The following PTPRM variants were observed in gnomAD, a reference collection of about 807,000 sequenced individuals.
PTPRM encodes receptor-type tyrosine-protein phosphatase mu.
Under a neutral mutation model 186.7 loss-of-function variants are expected in PTPRM, and 47 were observed. The ratio of observed to expected loss-of-function variants is 0.25; its 90% CI spans 0.20 to 0.32. The LOEUF is 0.32. Ranked by LOEUF, PTPRM falls within the 10% of genes least tolerant of loss-of-function variation. The pLI is 1.00. For missense variants in PTPRM, 1,494 were observed against 1,865.0 expected (o/e 0.80, Z 3.66); for synonymous variants, 668 against 674.9 (o/e 0.99, Z 0.16).
At chr18:7,843,891 C>G (rs1417526692) in intron 2 of PTPRM, among the ~76,000 whole-genome samples, 1 of 152,130 alleles carries the variant, frequency 6.6e-6, no homozygotes, top group Admixed American at 6.5e-5. Context: ...TGTTCACTCA[C>G]AAGTCTAGAA....
chr18:7,965,281 G>A (rs1472735394), intron 7 of PTPRM, among the ~76,000 whole-genome samples: 3 of 152,052 alleles, frequency 2.0e-5, no homozygotes, highest in African/African-American at 4.8e-5. Context: ...CCTGACCTCA[G>A]GTGATCTACC....
At chr18:7,697,017 T>C (rs1051078593) in intron 1 of PTPRM, among the ~76,000 whole-genome samples, 2 of 152,200 alleles carry the variant, frequency 1.3e-5, no homozygotes, top group African/African-American at 4.8e-5. Flanking sequence ...CTGAATGATG[T>C]CAGGCATAAT....
chr18:8,126,688 G>T (rs2092373113), intron 13 of PTPRM, among the ~76,000 whole-genome samples: 1 of 152,140 alleles, frequency 6.6e-6, no homozygotes, highest in South Asian at 2.1e-4. Flanking sequence ...GGGACCCAAG[G>T]TTCTCTATTT....
intron 1 of PTPRM, among the ~76,000 whole-genome samples, chr18:7,678,062 G>T (rs2039389069): frequency 6.6e-6 from 1 of 152,072 alleles, no homozygotes; most frequent in African/African-American, 2.4e-5. Context: ...GGCTCTGTGT[G>T]TATTTGTGGA....
intron 1 of PTPRM, among the ~76,000 whole-genome samples, chr18:7,582,589 G>A (rs2036874259): frequency 6.6e-6 from 1 of 152,202 alleles, no homozygotes; most frequent in South Asian, 2.1e-4. Flanking sequence ...GTGGGAAATT[G>A]GGACTTACAG....
intron 14 of PTPRM, among the ~76,000 whole-genome samples, chr18:8,209,165 T>A (rs1443836378): frequency 6.6e-6 from 1 of 152,172 alleles, no homozygotes; most frequent in Non-Finnish European, 1.5e-5. Context: ...GAGTTTTCTG[T>A]GCTTGTCTCC....
chr18:7,578,635 A>C (rs964518006), intron 1 of PTPRM, among the ~76,000 whole-genome samples: 1 of 140,572 alleles, frequency 7.1e-6, no homozygotes, highest in African/African-American at 2.7e-5. Context: ...GCGCCTGGCC[A>C]ATTTTTTTTT....
intron 22 of PTPRM, among the ~76,000 whole-genome samples, chr18:8,333,280 G>C (rs904221263): frequency 6.6e-6 from 1 of 152,106 alleles, no homozygotes; most frequent in Non-Finnish European, 1.5e-5. Context: ...TAGCCTCAGG[G>C]GAGAACAAAT....
intron 6 of PTPRM, among the ~76,000 whole-genome samples, chr18:7,952,117 C>T (rs367573248): frequency 4.6e-5 from 7 of 152,248 alleles, no homozygotes; most frequent in Admixed American, 2.6e-4. Flanking sequence ...TATTTAGTTA[C>T]GTTTCTATAT....
At chr18:8,066,617 G>C (rs1211476120) in intron 7 of PTPRM, among the ~76,000 whole-genome samples, 1 of 152,134 alleles carries the variant, frequency 6.6e-6, no homozygotes, top group Non-Finnish European at 1.5e-5. Flanking sequence ...CATAGTCAAA[G>C]GCTCACAGAG....
At chr18:7,919,184 T>C (rs1022296117) in intron 4 of PTPRM, among the ~76,000 whole-genome samples, 1 of 152,204 alleles carries the variant, frequency 6.6e-6, no homozygotes, top group Non-Finnish European at 1.5e-5. Flanking sequence ...CATGCTGTTT[T>C]GGTTACTAAA....
chr18:8,402,401 C>T (rs1342928252), intron 32 of PTPRM, among the ~76,000 whole-genome samples: 1 of 152,178 alleles, frequency 6.6e-6, no homozygotes, highest in South Asian at 2.1e-4. Flanking sequence ...CAAGCAGCAG[C>T]TCCTTAGCAG....
intron 13 of PTPRM, among the ~76,000 whole-genome samples, chr18:8,121,327 C>T (rs978282692): frequency 6.6e-6 from 1 of 152,144 alleles, no homozygotes; most frequent in African/African-American, 2.4e-5. Flanking sequence ...CTAATAGTAC[C>T]CAGGCTGTTC....
At position 7,874,116 on chromosome 18, in the gene PTPRM, TA is replaced by T. The variant is rs11400321; in HGVS notation, c.197-13979del. ...TCTTTGAATAAAGTAGGAAAAGTTT[TA>T]AAAAAAAAAATCCCTTCGTATATGT... is the stretch of plus-strand genomic sequence containing the variant. On this transcript the variant is annotated intron_variant, in intron 2 of 32. Coordinates refer to ENST00000580170, the MANE Select transcript of PTPRM (RefSeq NM_001105244.2). 4.7e-3 allele frequency among the ~76,000 whole-genome samples: 696 copies of T among 149,512 alleles called. 2 individuals are homozygous for T. Among genetic ancestry groups the T allele is most frequent in the African/African-American group, 0.014 (575 of 40,750 alleles).
At chr18:8,199,349 C>T (rs561622352) in intron 14 of PTPRM, among the ~76,000 whole-genome samples, 5 of 152,094 alleles carry the variant, frequency 3.3e-5, no homozygotes, top group Admixed American at 1.3e-4. Context: ...GCAGAGCCTG[C>T]GCTCCTCACT....
chr18:8,383,726 G>T (rs149191611), intron 29 of PTPRM, among the ~76,000 whole-genome samples: 1 of 152,298 alleles, frequency 6.6e-6, no homozygotes, highest in East Asian at 1.9e-4. Context: ...CAAGGGTTTG[G>T]ACTGGAACAT....
intron 7 of PTPRM, among the ~76,000 whole-genome samples, chr18:8,061,285 C>T (rs1483977189): frequency 3.4e-5 from 3 of 89,464 alleles, no homozygotes; most frequent in African/African-American, 4.8e-5. Context: ...CAACCCCTGC[C>T]TTTTTTTGTT....
intron 15 of PTPRM, 135 bp from the exon 16 acceptor site, chr18:8,247,710 T>C: frequency 1.6e-6 from 1 of 630,142 alleles, no homozygotes. Context: ...AATGATGATA[T>C]TTCCCACATA....
intron 1 of PTPRM, chr18:7,751,263 C>G (rs112659751): frequency 6.6e-6 from 1 of 152,292 alleles, no homozygotes; most frequent in Non-Finnish European, 1.5e-5. Flanking sequence ...GCCTGTCTGC[C>G]GGATGTGTCT....
Sources: allele counts gnomAD v4.1 joint callset (sites outside exome capture counted in the v4.1 genomes callset), GRCh38; gene constraint gnomAD v4.1.1; transcripts MANE v1.5; gene names NCBI Gene and HGNC (gene_info 2026-07-23, HGNC 2026-07-21).